Variants in ADAMTS17 observed in about 807,000 individuals in gnomAD.
ADAMTS17 encodes the protein A disintegrin and metalloproteinase with thrombospondin motifs 17.
A neutral mutation model predicts 141.5 loss-of-function variants in ADAMTS17; 113 were observed. The ratio of observed to expected loss-of-function variants is 0.80; its 90% CI spans 0.69 to 0.93. The LOEUF (loss-of-function observed/expected upper bound fraction) is 0.93, where lower values mean the gene tolerates loss of function less well. ADAMTS17 is among the 40% of genes least tolerant of loss of function. The pLI, the probability that ADAMTS17 is intolerant of heterozygous loss-of-function variation, is 0.00. For missense variants in ADAMTS17, 1,659 were observed against 1,517.9 expected, an observed-to-expected ratio of 1.09 and a Z score of -1.54; for synonymous variants, 768 against 630.6, an observed-to-expected ratio of 1.22 and a Z score of -3.27.
chr15:100,224,294 G>A (rs1368925880), intron 7 of ADAMTS17, among the ~76,000 whole-genome samples: 2 of 152,166 alleles, frequency 1.3e-5, no homozygotes, highest in Non-Finnish European at 2.9e-5. Flanking sequence ...AAATGCAATT[G>A]TCTAAGTGCA....
At chr15:100,144,718 G>C (rs1195175103) in intron 10 of ADAMTS17, among the ~76,000 whole-genome samples, 1 of 151,920 alleles carries the variant, frequency 6.6e-6, no homozygotes, top group Non-Finnish European at 1.5e-5. Flanking sequence ...CCAATTCTTT[G>C]AAATCTATCC....
chr15:100,102,440 AGGGCCG>A (rs1402991193), intron 14 of ADAMTS17, among the ~76,000 whole-genome samples: 5 of 70,856 alleles, frequency 7.1e-5, no homozygotes, highest in African/African-American at 2.0e-4. Flanking sequence ...TCTACATTTG[AGGGCCG>A]ACCAAAGGGG....
intron 8 of ADAMTS17, among the ~76,000 whole-genome samples, chr15:100,182,682 T>C (rs976170927): frequency 6.6e-6 from 1 of 152,186 alleles, no homozygotes; most frequent in African/African-American, 2.4e-5. Flanking sequence ...TTGGTGTAGA[T>C]AGCTGTTAAA....
At chr15:100,058,454 T>C (rs1270667605) in intron 15 of ADAMTS17, among the ~76,000 whole-genome samples, 1 of 152,082 alleles carries the variant, frequency 6.6e-6, no homozygotes, top group African/African-American at 2.4e-5. Flanking sequence ...TTTTTAAAGA[T>C]GTTTTAAAGT....
chr15:100,119,702 G>C (rs2037354579), intron 12 of ADAMTS17, among the ~76,000 whole-genome samples: 1 of 152,214 alleles, frequency 6.6e-6, no homozygotes, highest in South Asian at 2.1e-4. Context: ...GAGCACATGG[G>C]ATACCACACG....
At chr15:100,257,936 G>A (rs2043381395) in intron 6 of ADAMTS17, among the ~76,000 whole-genome samples, 1 of 152,084 alleles carries the variant, frequency 6.6e-6, no homozygotes, top group African/African-American at 2.4e-5. Context: ...CCCAGCCTCT[G>A]ACAACCACCA....
At chr15:100,030,739 T>C (rs2030074074) in intron 18 of ADAMTS17, among the ~76,000 whole-genome samples, 1 of 152,242 alleles carries the variant, frequency 6.6e-6, no homozygotes, top group Non-Finnish European at 1.5e-5. Context: ...ATAAATTATA[T>C]GATCTTGTTC....
At chr15:100,116,715 G>T in intron 13 of ADAMTS17, 132 bp downstream of exon 13, 1 of 1,265,954 alleles carries the variant, frequency 7.9e-7, no homozygotes, top group Non-Finnish European at 1.1e-6. Flanking sequence ...CCGCAGCTGA[G>T]CTGGGCAGAG....
chr15:100,258,209 C>G (rs569828884), intron 6 of ADAMTS17, among the ~76,000 whole-genome samples: 13 of 152,304 alleles, frequency 8.5e-5, no homozygotes, highest in African/African-American at 2.9e-4. Flanking sequence ...TCTCTGCTTT[C>G]AATTATCTTG....
At position 100,277,534 on chromosome 15, in the gene ADAMTS17, AAG is replaced by A. The variant is rs559220340; in HGVS notation, c.789+3693_789+3694del. On this transcript the variant is annotated intron_variant, in intron 4 of 21. Transcript: ENST00000268070. The stretch of plus-strand genomic sequence containing the variant: ...CACTTGTGCCCTGGATAATTAAAAA[AAG>A]AGAGAGAGATAAAATAATCTGCAGA... Among the ~76,000 whole-genome samples, 248 of 152,326 alleles carry A rather than the reference AAG, an allele frequency of 1.6e-3. 1 individual carries two copies. Among genetic ancestry groups the A allele is most frequent in the African/African-American group, 5.7e-3 (239 of 41,576 alleles).
Position 99,986,789 on chromosome 15 carries a change from G to A in ADAMTS17, c.2949+6259C>T, listed in dbSNP as rs541075692. On this transcript the variant is annotated intron_variant, in intron 20 of 21. Coordinates refer to ENST00000268070, the MANE Select transcript of ADAMTS17 (RefSeq NM_139057.4). ...TCCTCCTCCCCAATTTTAAGGGCCC[G>A]CCACCCCCAGAGTGGAATACATAGA... Among the ~76,000 whole-genome samples the A allele has an allele frequency of 2.6e-5, 4 of 152,228 alleles. No individual in the cohort carries two copies. In the East Asian group the frequency reaches 5.8e-4, roughly 22 times the overall value.
At chr15:100,267,982 A>G (rs1377889955) in intron 4 of ADAMTS17, among the ~76,000 whole-genome samples, 2 of 152,162 alleles carry the variant, frequency 1.3e-5, no homozygotes, top group African/African-American at 4.8e-5. Context: ...TAACTATTTT[A>G]TTGTTGCCAT....
chr15:100,237,955 G>A (rs1452519211), intron 7 of ADAMTS17, among the ~76,000 whole-genome samples: 2 of 152,268 alleles, frequency 1.3e-5, no homozygotes, highest in East Asian at 3.9e-4. Flanking sequence ...ACTTGCCCAA[G>A]GTCAAGGAAA....
intron 18 of ADAMTS17, among the ~76,000 whole-genome samples, chr15:100,031,253 A>T (rs563026642): frequency 1.4e-4 from 21 of 152,314 alleles, no homozygotes; most frequent in African/African-American, 5.1e-4. Flanking sequence ...TAGCTACCGA[A>T]CCTAACAAAT....
intron 3 of ADAMTS17, among the ~76,000 whole-genome samples, chr15:100,285,300 G>A (rs994809444): frequency 6.6e-5 from 10 of 152,050 alleles, no homozygotes; most frequent in Non-Finnish European, 1.5e-5. Flanking sequence ...AGACGTTTGG[G>A]GACTGCCAAA....
intron 7 of ADAMTS17, among the ~76,000 whole-genome samples, chr15:100,202,446 C>T (rs1377231211): frequency 6.6e-6 from 1 of 152,144 alleles, no homozygotes; most frequent in Non-Finnish European, 1.5e-5. Flanking sequence ...AGGAAAAACA[C>T]ATAAAAGAAA....
chr15:100,297,566 T>C (rs1481097820), intron 3 of ADAMTS17, among the ~76,000 whole-genome samples: 1 of 152,134 alleles, frequency 6.6e-6, no homozygotes, highest in Non-Finnish European at 1.5e-5. Flanking sequence ...TCAAGGATAA[T>C]TCCTCACTGA....
intron 8 of ADAMTS17, among the ~76,000 whole-genome samples, chr15:100,196,392 A>C (rs2041117152): frequency 6.6e-6 from 1 of 152,220 alleles, no homozygotes; most frequent in African/African-American, 2.4e-5. Context: ...TGTGCAACTC[A>C]TTGTTTGATA....
intron 15 of ADAMTS17, among the ~76,000 whole-genome samples, chr15:100,095,801 C>A (rs1193580777): frequency 6.6e-6 from 1 of 152,138 alleles, no homozygotes; most frequent in Non-Finnish European, 1.5e-5. Context: ...GCCCATCAAC[C>A]GAATCCTGGC....
Sources: gnomAD v4.1 joint callset for allele counts (sites outside exome capture counted in the v4.1 genomes callset) on GRCh38, gnomAD v4.1.1 for gene constraint, MANE v1.5 for transcripts, NCBI Gene and HGNC (gene_info 2026-07-23, HGNC 2026-07-21) for gene names.